The following RNF152 variants were observed in gnomAD, a reference collection of about 807,000 sequenced individuals.
RNF152 encodes the protein E3 ubiquitin-protein ligase RNF152.
Under a neutral mutation model 12.7 loss-of-function variants are expected in RNF152, and 11 were observed. The observed-to-expected ratio is 0.86, with a 90% confidence interval of 0.54 to 1.43. RNF152 has a LOEUF of 1.43. Ranked by LOEUF, RNF152 falls within the 40% of genes most tolerant of loss-of-function variation. RNF152 has a pLI of 0.00. For synonymous variants in RNF152, 113 were observed against 120.3 expected, an observed-to-expected ratio of 0.94 and a Z score of 0.40; for missense variants, 255 against 274.8, an observed-to-expected ratio of 0.93 and a Z score of 0.51.
intron 1 of RNF152, among the ~76,000 whole-genome samples, chr18:61,833,379 G>A (rs187622475): frequency 2.0e-5 from 3 of 152,166 alleles, no homozygotes; most frequent in Non-Finnish European, 1.5e-5. Context: ...AGAAGGTGGA[G>A]GTAGCAAAGC....
intron 1 of RNF152, among the ~76,000 whole-genome samples, chr18:61,855,804 G>GT (rs1334637078): frequency 6.6e-6 from 1 of 152,204 alleles, no homozygotes; most frequent in Non-Finnish European, 1.5e-5. Flanking sequence ...AGCCCAGCAG[G>GT]TACGAGCAAT....
rs973972735 is a variant in RNF152, at chr18:61,816,025, G to T, written c.439C>A (p.Pro147Thr). 6.2e-6 allele frequency: 10 copies of T among 1,614,076 alleles called. No individual in the cohort carries two copies. Among genetic ancestry groups the T allele is most frequent in the African/African-American group, 1.3e-5 (1 of 74,944 alleles). The change falls in exon 2 of 2, where the codon CCC becomes ACC. Residue 147 changes from proline to threonine, a missense_variant. Coordinates refer to ENST00000312828, the MANE Select transcript of RNF152 (RefSeq NM_173557.3). The stretch of plus-strand genomic sequence containing the variant: ...TGCTCCTCCTCCACCGCCTCCTGGG[G>T]AGCCCCACCTTGCAGAGGCTGCTGT... Reference protein sequence around the residue: ...AEQQPLQGGAPQEAVEEEQDR... With the variant: ...AEQQPLQGGATQEAVEEEQDR...
intron 1 of RNF152, among the ~76,000 whole-genome samples, chr18:61,858,965 C>T (rs1293175696): frequency 6.6e-6 from 1 of 152,154 alleles, no homozygotes; most frequent in Non-Finnish European, 1.5e-5. Flanking sequence ...TTTGGGGAAA[C>T]TCCATGTTTC....
intron 1 of RNF152, among the ~76,000 whole-genome samples, chr18:61,862,658 C>T (rs1057000478): frequency 1.2e-4 from 19 of 152,318 alleles, no homozygotes; most frequent in South Asian, 2.1e-4. Context: ...CTGTCCCCCA[C>T]CCCTCACCCC....
intron 1 of RNF152, among the ~76,000 whole-genome samples, chr18:61,874,594 C>T (rs61472157): frequency 0.032 from 4,863 of 152,234 alleles, 269 homozygotes; most frequent in African/African-American, 0.11. Context: ...GGTGGCAGTA[C>T]ATAGGCTGAG....
chr18:61,842,959 A>G (rs1432341633), intron 1 of RNF152, among the ~76,000 whole-genome samples: 2 of 152,256 alleles, frequency 1.3e-5, no homozygotes, highest in Non-Finnish European at 2.9e-5. Flanking sequence ...TTGGGTGGGG[A>G]CACAGAGCCA....
intron 1 of RNF152, among the ~76,000 whole-genome samples, chr18:61,820,080 A>C (rs1270966858): frequency 1.3e-5 from 2 of 150,420 alleles, no homozygotes; most frequent in African/African-American, 4.9e-5. Flanking sequence ...CTGTAATCCT[A>C]GCACTTTGGG....
intron 1 of RNF152, among the ~76,000 whole-genome samples, chr18:61,858,984 C>T (rs1010084856): frequency 1.3e-5 from 2 of 151,812 alleles, no homozygotes; most frequent in African/African-American, 2.4e-5. Context: ...TCTTACGCGC[C>T]GGGTGATGTC....
chr18:61,890,922 A>G (rs1912929039), intron 1 of RNF152, among the ~76,000 whole-genome samples: 1 of 152,228 alleles, frequency 6.6e-6, no homozygotes, highest in Non-Finnish European at 1.5e-5. Flanking sequence ...CTCCTCAATG[A>G]AAGAGGCATT....
intron 1 of RNF152, among the ~76,000 whole-genome samples, chr18:61,839,946 T>A (rs2144668983): frequency 6.6e-6 from 1 of 152,242 alleles, no homozygotes; most frequent in East Asian, 1.9e-4. Flanking sequence ...TATTTCCCCA[T>A]CCCCAGGCCC....
chr18:61,809,326 G>A lies in RNF152; in HGVS notation c.*6526C>T, dbSNP rs1471367146. On this transcript the variant is annotated 3_prime_UTR_variant, in exon 2 of 2. Transcript: ENST00000312828. Reference sequence around the variant, plus strand: ...AGCACAGTGTAAGGTACCAGCTACTGTGTTCTCCCACTATTTAACAGAGGT... The same window carrying A: ...AGCACAGTGTAAGGTACCAGCTACTATGTTCTCCCACTATTTAACAGAGGT... 4.6e-5 allele frequency: 7 copies of A among 152,084 alleles called. No homozygotes were observed. Among genetic ancestry groups the A allele is most frequent in the Non-Finnish European group, 7.4e-5 (5 of 68,020 alleles). 9.4% of individuals were successfully genotyped at this position (152,084 alleles called of 1,614,324 possible). A position where few individuals can be genotyped will look rare whatever the true frequency, so the allele number is the denominator to read the frequency against.
In RNF152 at chr18:61,812,856, CA is replaced by C. The variant is rs33940699; in HGVS notation, c.*2995del. Reference sequence around the variant, plus strand: ...TAACTAAAATGAGTACATAAACCTACAAAAAAAATTCTTTAAAGCAATAGTT... The same window carrying C: ...TAACTAAAATGAGTACATAAACCTACAAAAAAATTCTTTAAAGCAATAGTT... On this transcript the variant is annotated 3_prime_UTR_variant, in exon 2 of 2. Transcript: ENST00000312828. 37,600 of 151,728 alleles carry C rather than the reference CA, an allele frequency of 0.25. 4,795 individuals are homozygous for C. Among genetic ancestry groups the C allele is most frequent in the African/African-American group, 0.31 (12,778 of 41,334 alleles). The allele number at this position is 151,728 out of a possible 1,614,324, so 9.4% of individuals were successfully genotyped here. A position where few individuals can be genotyped will look rare whatever the true frequency, so the allele number is the denominator to read the frequency against.
intron 1 of RNF152, among the ~76,000 whole-genome samples, chr18:61,843,879 G>A (rs541333829): frequency 3.9e-5 from 6 of 151,944 alleles, no homozygotes; most frequent in Non-Finnish European, 5.9e-5. Context: ...ATGGATGGAA[G>A]TTATGGTTGT....
chr18:61,850,260 GTTTC>G (rs1910911295), intron 1 of RNF152, among the ~76,000 whole-genome samples: 1 of 152,218 alleles, frequency 6.6e-6, no homozygotes, highest in African/African-American at 2.4e-5. Flanking sequence ...ACCTCATACA[GTTTC>G]TGGCTGATAA....
At chr18:61,841,946 A>C (rs1910473948) in intron 1 of RNF152, among the ~76,000 whole-genome samples, 1 of 152,204 alleles carries the variant, frequency 6.6e-6, no homozygotes, top group Admixed American at 6.5e-5. Flanking sequence ...CATTGACAAT[A>C]CGTAACAAAT....
Position 61,816,144 on chromosome 18 carries a change from G to C in RNF152, c.320C>G (p.Ser107Cys), listed in dbSNP as rs1909072280. 2 of 1,614,108 alleles carry C rather than the reference G, an allele frequency of 1.2e-6. No homozygotes were observed. Among genetic ancestry groups the C allele is most frequent in the Admixed American group, 1.7e-5 (1 of 60,006 alleles). ...TCCGGGCAGCAGCGCACGCTCCTTG[G>C]AGATGGGCAGGGGCAGCATGTAGCA... The part of the protein sequence containing the change: ...NGCYMLPLPI[S>C]KERALLPGDM... The change falls in exon 2 of 2, where the codon TCC (serine) becomes TGC (cysteine). Residue 107 changes from serine (S) to cysteine (C), a missense_variant. Ser to Cys is a moderately radical substitution (Grantham distance 112). Coordinates refer to ENST00000312828, the MANE Select transcript of RNF152 (RefSeq NM_173557.3).
chr18:61,880,445 T>G (rs942934751), intron 1 of RNF152, among the ~76,000 whole-genome samples: 7 of 152,176 alleles, frequency 4.6e-5, no homozygotes, highest in African/African-American at 1.7e-4. Context: ...CATATCCCAG[T>G]TCCAGCTCCA....
At chr18:61,818,958 CAG>C (rs1373846461) in intron 1 of RNF152, among the ~76,000 whole-genome samples, 3 of 152,120 alleles carry the variant, frequency 2.0e-5, no homozygotes, top group Non-Finnish European at 2.9e-5. Context: ...CCGAAGGAAT[CAG>C]GGGGAATTTA....
At chr18:61,876,031 T>C (rs1033699911) in intron 1 of RNF152, among the ~76,000 whole-genome samples, 1 of 152,160 alleles carries the variant, frequency 6.6e-6, no homozygotes, top group East Asian at 1.9e-4. Context: ...CCAATCCTTT[T>C]TCATACTATT....
Sources: allele counts gnomAD v4.1 joint callset (sites outside exome capture counted in the v4.1 genomes callset), GRCh38; gene constraint gnomAD v4.1.1; transcripts MANE v1.5; gene names NCBI Gene and HGNC (gene_info 2026-07-23, HGNC 2026-07-21).